The following DLG2 variants were observed in gnomAD, a reference collection of about 807,000 sequenced individuals.
The protein encoded by DLG2 is disks large homolog 2.
DLG2 carries 45 observed loss-of-function variants against 132.5 expected under a neutral mutation model. That is an observed-to-expected ratio of 0.34 (90% confidence interval 0.27 to 0.44). The LOEUF (loss-of-function observed/expected upper bound fraction) is 0.44, where lower values mean the gene tolerates loss of function less well. Among genes scored for constraint, DLG2 ranks in the 20% least tolerant of loss-of-function variants. The pLI is 1.00. For missense variants in DLG2, 1,045 were observed against 1,196.9 expected, an observed-to-expected ratio of 0.87 and a Z score of 1.87; for synonymous variants, 424 against 419.6, an observed-to-expected ratio of 1.01 and a Z score of -0.13.
chr11:85,178,458 T>C (rs1174633191), intron 4 of DLG2, among the ~76,000 whole-genome samples: 2 of 151,868 alleles, frequency 1.3e-5, no homozygotes, highest in South Asian at 4.1e-4. Flanking sequence ...AAGCTACAGA[T>C]CCAAAAATCC....
chr11:84,903,474 C>G (rs2091145981), intron 6 of DLG2, among the ~76,000 whole-genome samples: 1 of 152,066 alleles, frequency 6.6e-6, no homozygotes, highest in African/African-American at 2.4e-5. Flanking sequence ...ACATAGGTAC[C>G]AGTATGCCCT....
rs186891256 is a variant in DLG2 at position 85,106,102 on chromosome 11, G to A, written c.357+5559C>T. Among the ~76,000 whole-genome samples the A allele has an allele frequency of 9.2e-5, 14 of 152,022 alleles. 1 individual carries two copies. The highest frequency in any genetic ancestry group is 9.2e-4 in the Admixed American group (14 of 15,248). ...GAATGTGGGTAATGTGAGGCAGTCTGGGAGAGCATGCTGGAACAATTAACA... is the reference window on the plus strand; with the variant it reads ...GAATGTGGGTAATGTGAGGCAGTCTAGGAGAGCATGCTGGAACAATTAACA... On this transcript the variant is annotated intron_variant, in intron 6 of 27. Coordinates refer to ENST00000376104, the MANE Select transcript of DLG2 (RefSeq NM_001142699.3).
At chr11:83,572,394 A>G (rs1226605164) in intron 19 of DLG2, among the ~76,000 whole-genome samples, 1 of 152,180 alleles carries the variant, frequency 6.6e-6, no homozygotes, top group Admixed American at 6.6e-5. Context: ...TAACTCTTAA[A>G]TTTTGAGAAA....
At chr11:85,252,203 A>C (rs1225295856) in intron 4 of DLG2, among the ~76,000 whole-genome samples, 1 of 152,220 alleles carries the variant, frequency 6.6e-6, no homozygotes, top group Non-Finnish European at 1.5e-5. Context: ...AAAGTTTTGC[A>C]CTCTGTGATA....
At chr11:84,872,266 G>T (rs1292796911) in intron 6 of DLG2, among the ~76,000 whole-genome samples, 6 of 152,036 alleles carry the variant, frequency 3.9e-5, no homozygotes, top group Non-Finnish European at 8.8e-5. Context: ...TCTTATTATT[G>T]TGCTCCTCAG....
chr11:85,273,692 T>G (rs2077695442), intron 4 of DLG2, among the ~76,000 whole-genome samples: 1 of 152,230 alleles, frequency 6.6e-6, no homozygotes, highest in Non-Finnish European at 1.5e-5. Flanking sequence ...TGGAAGTCAG[T>G]GTGGTGATTC....
intron 7 of DLG2, among the ~76,000 whole-genome samples, chr11:84,392,214 A>C (rs922416626): frequency 6.6e-6 from 1 of 152,034 alleles, no homozygotes; most frequent in Non-Finnish European, 1.5e-5. Context: ...TCCAATACTT[A>C]GTTGTTCGCT....
chr11:84,409,178 T>C (rs1396323886), intron 7 of DLG2, among the ~76,000 whole-genome samples: 2 of 152,198 alleles, frequency 1.3e-5, no homozygotes, highest in Admixed American at 6.5e-5. Context: ...CTCTGAGTGC[T>C]TCTCTATTCT....
chr11:84,625,816 C>A (rs1414837165), intron 6 of DLG2, among the ~76,000 whole-genome samples: 1 of 152,274 alleles, frequency 6.6e-6, no homozygotes, highest in African/African-American at 2.4e-5. Context: ...GAAAGAAAAT[C>A]ATGTTATTTG....
At position 85,050,141 on chromosome 11, in the gene DLG2, C is replaced by CAA. The variant is rs1263651620; in HGVS notation, c.357+61519_357+61520insTT. ...CATCACACACACACACACACACACACACACACACACACACTGCACACATAC... is the reference window on the plus strand; with the variant it reads ...CATCACACACACACACACACACACACAAACACACACACACACTGCACACATAC... On this transcript the variant is annotated intron_variant, in intron 6 of 27. Coordinates refer to ENST00000376104, the MANE Select transcript of DLG2 (RefSeq NM_001142699.3). 3.3e-5 allele frequency among the ~76,000 whole-genome samples: 5 copies of CAA among 151,338 alleles called. No individual in the cohort carries two copies. In the East Asian group the frequency reaches 5.8e-4, roughly 18 times the overall value.
chr11:85,013,894 A>C (rs2059356752), intron 6 of DLG2, among the ~76,000 whole-genome samples: 1 of 152,196 alleles, frequency 6.6e-6, no homozygotes, highest in Non-Finnish European at 1.5e-5. Context: ...TGCTATCAAA[A>C]GCTTAAAATA....
At chr11:83,746,655 A>T (rs548441294) in intron 18 of DLG2, among the ~76,000 whole-genome samples, 56 of 152,298 alleles carry the variant, frequency 3.7e-4, no homozygotes, top group Non-Finnish European at 7.2e-4. Flanking sequence ...GCAGCACACC[A>T]AAATGGCACA....
At chr11:84,297,721 C>T (rs142932724) in intron 7 of DLG2, among the ~76,000 whole-genome samples, 86 of 152,172 alleles carry the variant, frequency 5.7e-4, no homozygotes, top group African/African-American at 2.0e-3. Flanking sequence ...GAGTAAAATG[C>T]CGACTTCCTT....
intron 16 of DLG2, among the ~76,000 whole-genome samples, chr11:83,869,361 A>G (rs1394992281): frequency 2.0e-5 from 3 of 152,214 alleles, no homozygotes; most frequent in Non-Finnish European, 1.5e-5. Flanking sequence ...CAAGAGAGAG[A>G]ATAATTCCAT....
intron 7 of DLG2, among the ~76,000 whole-genome samples, chr11:84,281,173 T>C (rs1278301615): frequency 6.6e-6 from 1 of 152,154 alleles, no homozygotes; most frequent in African/African-American, 2.4e-5. Flanking sequence ...ACGTGGATTA[T>C]ATACTTAGAT....
intron 19 of DLG2, among the ~76,000 whole-genome samples, chr11:83,564,057 CAACATATTATTGGAAATCAGTA>C (rs1211024117): frequency 1.3e-5 from 2 of 150,278 alleles, no homozygotes; most frequent in African/African-American, 2.4e-5. Context: ...GGGCCTGTTC[CAACATATTATTGGAAATCAGTA>C]ATATAAACCT....
intron 3 of DLG2, among the ~76,000 whole-genome samples, chr11:85,354,491 G>A (rs948876953): frequency 1.3e-5 from 2 of 151,942 alleles, no homozygotes; most frequent in Non-Finnish European, 2.9e-5. Flanking sequence ...TTCTTCAGGG[G>A]TATTCCAAGT....
intron 7 of DLG2, among the ~76,000 whole-genome samples, chr11:84,468,752 G>C (rs1171255353): frequency 6.6e-6 from 1 of 151,552 alleles, no homozygotes; most frequent in Non-Finnish European, 1.5e-5. Flanking sequence ...TAGAATATTT[G>C]TAAAATACAC....
chr11:85,002,105 G>T (rs537870573), intron 6 of DLG2, among the ~76,000 whole-genome samples: 202 of 152,246 alleles, frequency 1.3e-3, no homozygotes, highest in African/African-American at 4.7e-3. Flanking sequence ...TACTGAGCTT[G>T]ATCAATCTTT....
Sources: gnomAD v4.1 joint callset for allele counts (sites outside exome capture counted in the v4.1 genomes callset) on GRCh38, gnomAD v4.1.1 for gene constraint, MANE v1.5 for transcripts, NCBI Gene and HGNC (gene_info 2026-07-23, HGNC 2026-07-21) for gene names.